TLN1: variants seen among roughly 807,000 people sequenced by gnomAD.
TLN1 encodes the protein talin-1.
TLN1 carries 56 observed loss-of-function variants against 292.3 expected under a neutral mutation model. That is an observed-to-expected ratio of 0.19 (90% CI 0.15 to 0.24). The LOEUF (loss-of-function observed/expected upper bound fraction) is 0.24, where lower values mean the gene tolerates loss of function less well. TLN1 is among the 10% of genes least tolerant of loss of function. The probability of loss-of-function intolerance (pLI) is 1.00; values close to 1 mark genes in which losing one functional copy is unlikely to be tolerated. For synonymous variants in TLN1, 1,119 were observed against 1,253.7 expected (o/e 0.89, Z 2.27); for missense variants, 2,433 against 3,248.2 (o/e 0.75, Z 6.10).
intron 1 of TLN1, among the ~76,000 whole-genome samples, chr9:35,730,727 A>C (rs1359126218): frequency 1.3e-5 from 2 of 152,090 alleles, no homozygotes; most frequent in Non-Finnish European, 2.9e-5. Context: ...GTATTTTGTA[A>C]GGGGATAGGC....
chr9:35,717,802 A>C lies in TLN1; in HGVS notation c.1996-16T>G. 6.3e-7 allele frequency: 1 copy of C among 1,588,182 alleles called. No individual in the cohort carries two copies. The highest frequency in any genetic ancestry group is 8.6e-7 in the Non-Finnish European group (1 of 1,160,780). On this transcript the variant is annotated splice_polypyrimidine_tract_variant and intron_variant, in intron 17 of 56. Transcript: ENST00000314888. This position sits in a 1 kb window ranked among gnomAD's most constrained non-coding sequence, Gnocchi z 4.7. ...TTAGCGCATCCTGTGAGAAAACAGC[A>C]GTTAGCATGACCTGAGATTGGGCTT...
chr9:35,719,234 G>A lies in TLN1; in HGVS notation c.1736C>T (p.Thr579Ile), dbSNP rs757683436. ...DYTAVGCAVT[T>I]ISSNLTEMSR... ...CATCTCCGTCAGGTTGGAGGAGATT[G>A]TGGTGACTGCACAGCCCACTGCGGT... Residue 579 changes from threonine (T) to isoleucine (I), a missense_variant, in exon 16 of 57, where the codon ACA becomes ATA. Thr to Ile is a moderately conservative substitution (Grantham distance 89). This residue lies in a region of TLN1 where 617 missense variants were observed against 770.6 expected (regional missense o/e 0.80). Coordinates refer to ENST00000314888, the MANE Select transcript of TLN1 (RefSeq NM_006289.4). This position sits in a 1 kb window ranked among gnomAD's most constrained non-coding sequence, Gnocchi z 4.6. 1.2e-6 allele frequency: 2 copies of A among 1,614,210 alleles called. No homozygotes were observed. Among genetic ancestry groups the A allele is most frequent in the South Asian group, 2.2e-5 (2 of 91,072 alleles).
rs533955091 is a variant in TLN1 at position 35,716,584 on chromosome 9, G to A, written c.2459-28C>T. 5.0e-6 allele frequency: 8 copies of A among 1,607,980 alleles called. No homozygotes were observed. In the East Asian group the frequency reaches 1.3e-4, roughly 27 times the overall value. The stretch of plus-strand genomic sequence containing the variant: ...GAGAGCATAGGGCACAGTCAGGCGA[G>A]GAAGCCAGAGACACTGAGGTGTCAG... On this transcript the variant is annotated intron_variant, in intron 19 of 56. Transcript: ENST00000314888.
rs1319954162 is a variant in TLN1, at chr9:35,732,115, C to G, written c.-74G>C. 6.5e-6 allele frequency: 1 copy of G among 154,032 alleles called. No individual in the cohort carries two copies. The highest frequency in any genetic ancestry group is 2.4e-5 in the African/African-American group (1 of 41,440). The allele number at this position is 154,032 out of a possible 1,614,324, so 9.5% of individuals were successfully genotyped here. ...CTGCGCCCCGCCCGCCGGCCCGCCGCCCCGCCGCTTCTCGGGTCGCCCTCG... is the reference window on the plus strand; with the variant it reads ...CTGCGCCCCGCCCGCCGGCCCGCCGGCCCGCCGCTTCTCGGGTCGCCCTCG... On this transcript the variant is annotated 5_prime_UTR_variant, in exon 1 of 57. Transcript: ENST00000314888. This position sits in a 1 kb window ranked among gnomAD's most constrained non-coding sequence, Gnocchi z 5.1.
chr9:35,719,701 G>C lies in TLN1; in HGVS notation c.1578+39C>G, dbSNP rs971221228. On this transcript the variant is annotated intron_variant, in intron 14 of 56. Transcript: ENST00000314888. This position sits in a 1 kb window ranked among gnomAD's most constrained non-coding sequence, Gnocchi z 4.6. ...CTCATCCCTATCCCTTGGAGTCTCA[G>C]CTTCAGTACCACCGGCCTCTCCTCC... 4 of 1,611,458 alleles carry C rather than the reference G, an allele frequency of 2.5e-6. No homozygotes were observed. The highest frequency in any genetic ancestry group is 3.4e-6 in the Non-Finnish European group (4 of 1,178,048).
chr9:35,724,651 G>C lies in TLN1; in HGVS notation c.432C>G (p.Thr144=), dbSNP rs1298552906. 4.3e-6 allele frequency: 7 copies of C among 1,613,944 alleles called. No homozygotes were observed. In the African/African-American group the frequency reaches 8.0e-5, roughly 18 times the overall value. ...GCAGCAATGTCTTGTCCTTTCTTAA[G>C]GTCCCTGTTATTTCCTCCTTTTTCT... ...MEEKKEEITG[T]LRKDKTLLRD... The change falls in exon 5 of 57, where the codon ACC becomes ACG. Residue 144 remains threonine (T), a synonymous_variant. Transcript: ENST00000314888. The surrounding 1 kb of genome is among the most constrained non-coding windows in gnomAD (Gnocchi z 4.7).
In TLN1 at chr9:35,724,624, T is replaced by A; in HGVS notation, c.459A>T (p.Arg153=). ...TTAGTTTCTCCATCTTCTTTTCATC[T>A]CGCAGCAATGTCTTGTCCTTTCTTA... ...GTLRKDKTLL[R]DEKKMEKLKQ... is the part of the protein sequence containing the mutation. Residue 153 remains arginine, a synonymous_variant, in exon 5 of 57, where the codon CGA becomes CGT. Transcript: ENST00000314888. This position sits in a 1 kb window ranked among gnomAD's most constrained non-coding sequence, Gnocchi z 4.7. 1.9e-6 allele frequency: 3 copies of A among 1,614,218 alleles called. No homozygotes were observed. Among genetic ancestry groups the A allele is most frequent in the Non-Finnish European group, 2.5e-6 (3 of 1,180,032 alleles).
chr9:35,704,937 G>T lies in TLN1; in HGVS notation c.5734-122C>A. 8.2e-7 allele frequency: 1 copy of T among 1,222,044 alleles called. No homozygotes were observed. The highest frequency in any genetic ancestry group is 1.1e-6 in the Non-Finnish European group (1 of 886,146). 75.7% of individuals were successfully genotyped at this position (1,222,044 alleles called of 1,614,324 possible). On this transcript the variant is annotated intron_variant, in intron 43 of 56. Coordinates refer to ENST00000314888, the MANE Select transcript of TLN1 (RefSeq NM_006289.4). The surrounding 1 kb of genome is among the most constrained non-coding windows in gnomAD (Gnocchi z 6.9). Reference sequence around the variant, plus strand: ...GCATTGTAGACTAAAGAAGCAGAGAGAGAAGGTTCCCAGCACAAGGACGTT... The same window carrying T: ...GCATTGTAGACTAAAGAAGCAGAGATAGAAGGTTCCCAGCACAAGGACGTT...
rs1222230548 is a variant in TLN1, at chr9:35,719,883, G to A, written c.1465-30C>T. ...AGACAAGTGGGGAGAAACAGGGACTGGAATGGATGTTTGGAGAAAAGAGAA... is the reference window on the plus strand; with the variant it reads ...AGACAAGTGGGGAGAAACAGGGACTAGAATGGATGTTTGGAGAAAAGAGAA... On this transcript the variant is annotated intron_variant, in intron 13 of 56. Coordinates refer to ENST00000314888, the MANE Select transcript of TLN1 (RefSeq NM_006289.4). The surrounding 1 kb of genome is among the most constrained non-coding windows in gnomAD (Gnocchi z 4.6). 3.8e-6 allele frequency: 6 copies of A among 1,570,106 alleles called. No homozygotes were observed. The highest frequency in any genetic ancestry group is 4.3e-6 in the Non-Finnish European group (5 of 1,155,484).
chr9:35,704,837 G>A lies in TLN1; in HGVS notation c.5734-22C>T, dbSNP rs762626744. 3.1e-6 allele frequency: 5 copies of A among 1,607,068 alleles called. No homozygotes were observed. The highest frequency in any genetic ancestry group is 1.1e-5 in the South Asian group (1 of 90,912). On this transcript the variant is annotated intron_variant, in intron 43 of 56. Coordinates refer to ENST00000314888, the MANE Select transcript of TLN1 (RefSeq NM_006289.4). This position sits in a 1 kb window ranked among gnomAD's most constrained non-coding sequence, Gnocchi z 6.9. ...CTATCTGTGAGCCAAGGGAAAGACA[G>A]ATGGATTTTACAAGGGGCACTCAGG...
rs73438744 is a variant in TLN1, at chr9:35,726,229, T to C, written c.-33-502A>G. Among the ~76,000 whole-genome samples the C allele has an allele frequency of 9.8e-3, 1,496 of 152,206 alleles. 12 individuals are homozygous for C. The highest frequency in any genetic ancestry group is 0.034 in the African/African-American group (1,423 of 41,516). ...GGCCAAGTCCTAACAATTTAAGACATCTGAGGGAAAGGAGAAGCTGGTCTG... is the reference window on the plus strand; with the variant it reads ...GGCCAAGTCCTAACAATTTAAGACACCTGAGGGAAAGGAGAAGCTGGTCTG... On this transcript the variant is annotated intron_variant, in intron 1 of 56. Coordinates refer to ENST00000314888, the MANE Select transcript of TLN1 (RefSeq NM_006289.4).
chr9:35,714,574 C>T lies in TLN1; in HGVS notation c.2985G>A (p.Gln995=). 1 of 1,609,414 alleles carries T rather than the reference C, an allele frequency of 6.2e-7. No homozygotes were observed. Among genetic ancestry groups the T allele is most frequent in the Non-Finnish European group, 8.5e-7 (1 of 1,179,970 alleles). Reference sequence around the variant, plus strand: ...GAGAAGTGCAGAGGGGGTGCCTTGCCTGCAGGAAGCTCTGGCTGGCAGCAA... The same window carrying T: ...GAGAAGTGCAGAGGGGGTGCCTTGCTTGCAGGAAGCTCTGGCTGGCAGCAA... ...ALIAASQSFL[Q]PGGKMVAAAK... The change falls in exon 23 of 57, where the codon CAG becomes CAA. Residue 995 remains glutamine (Q), a splice_region_variant and synonymous_variant. Coordinates refer to ENST00000314888, the MANE Select transcript of TLN1 (RefSeq NM_006289.4). This position sits in a 1 kb window ranked among gnomAD's most constrained non-coding sequence, Gnocchi z 4.6.
At chr9:35,729,110 C>A (rs1826026929) in intron 1 of TLN1, among the ~76,000 whole-genome samples, 1 of 152,114 alleles carries the variant, frequency 6.6e-6, no homozygotes, top group Non-Finnish European at 1.5e-5. Context: ...TTCATTTAAT[C>A]CTTACAGTAG....
rs764358783 is a variant in TLN1, at chr9:35,707,152, C to A, written c.4875G>T (p.Arg1625=). 7 of 1,610,356 alleles carry A rather than the reference C, an allele frequency of 4.3e-6. No homozygotes were observed. In the Admixed American group the frequency reaches 1.2e-4, roughly 27 times the overall value. The change falls in exon 37 of 57, where the codon CGG becomes CGT. Residue 1625 remains arginine (R), a synonymous_variant. Coordinates refer to ENST00000314888, the MANE Select transcript of TLN1 (RefSeq NM_006289.4). The surrounding 1 kb of genome is among the most constrained non-coding windows in gnomAD (Gnocchi z 5.6). ...QTARALAVNP[R]DPPSWSVLAG... ...CCAGCACCGACCAGCTCGGGGGGTC[C>A]CGGGGATTGACTGCGAGGGCCCGGG...
rs770451165 is a variant in TLN1 at position 35,718,863 on chromosome 9, A to G, written c.1944T>C (p.Ser648=). ...LQAAGNVGQA[S]GELLQQIGES... ...CCCCAATTTGTTGCAACAGCTCCCCACTGGCCTGGCCCACGTTCCCAGCTG... is the reference window on the plus strand; with the variant it reads ...CCCCAATTTGTTGCAACAGCTCCCCGCTGGCCTGGCCCACGTTCCCAGCTG... Residue 648 remains serine, a synonymous_variant, in exon 17 of 57, where the codon AGT becomes AGC. Transcript: ENST00000314888. 6.8e-6 allele frequency: 11 copies of G among 1,613,570 alleles called. No individual in the cohort carries two copies. The highest frequency in any genetic ancestry group is 6.8e-6 in the Non-Finnish European group (8 of 1,179,830).
At position 35,697,523 on chromosome 9, in the gene TLN1, C is replaced by T. The variant is rs959980671; in HGVS notation, c.*268G>A. ...GGCTGGGGCCCCGGCAGATTCAGAT[C>T]GAGGTACAGCAGCGTTAATAATACT... On this transcript the variant is annotated 3_prime_UTR_variant, in exon 57 of 57. Coordinates refer to ENST00000314888, the MANE Select transcript of TLN1 (RefSeq NM_006289.4). The T allele has an allele frequency of 5.4e-5, 24 of 445,774 alleles. No individual in the cohort carries two copies. The highest frequency in any genetic ancestry group is 1.5e-4 in the East Asian group (4 of 26,862). 27.6% of individuals were successfully genotyped at this position (445,774 alleles called of 1,614,324 possible). A position where few individuals can be genotyped will look rare whatever the true frequency, so the allele number is the denominator to read the frequency against.
intron 33 of TLN1, among the ~76,000 whole-genome samples, chr9:35,709,061 T>G (rs939231920): frequency 5.3e-5 from 8 of 152,238 alleles, no homozygotes; most frequent in Admixed American, 4.6e-4. Context: ...TTTTCCTCTA[T>G]GCATTTTCAG....
rs758805095 is a variant in TLN1 at position 35,722,190 on chromosome 9, C to G, written c.877G>C (p.Glu293Gln). ...AGCTTCACGTAGCGGACCTTGGCCT[C>G]AATCTCACTCATCTGCCCACAATTC... ...HKNCGQMSEI[E>Q]AKVRYVKLAR... The change falls in exon 9 of 57, where the codon GAG (glutamate) becomes CAG (glutamine). Residue 293 changes from glutamate (E) to glutamine (Q), a missense_variant. Glu to Gln is a conservative substitution (Grantham distance 29). This residue lies in a region of TLN1 where 78 missense variants were observed against 88.8 expected (regional missense o/e 0.88). Coordinates refer to ENST00000314888, the MANE Select transcript of TLN1 (RefSeq NM_006289.4). The G allele has an allele frequency of 6.2e-7, 1 of 1,614,180 alleles. No homozygotes were observed. The highest frequency in any genetic ancestry group is 1.7e-5 in the Admixed American group (1 of 60,014).
chr9:35,713,161 C>G, intron 26 of TLN1, 35 bp downstream of exon 26: 1 of 1,583,306 alleles, frequency 6.3e-7, no homozygotes, highest in Non-Finnish European at 8.7e-7. Context: ...ACCTCCCTCA[C>G]AATATGCCCC....
Sources: allele counts gnomAD v4.1 joint callset (sites outside exome capture counted in the v4.1 genomes callset), GRCh38; gene constraint gnomAD v4.1.1; regional missense constraint gnomAD v4.1.1; non-coding constraint Gnocchi (gnomAD v3.1); transcripts MANE v1.5; gene names NCBI Gene and HGNC (gene_info 2026-07-23, HGNC 2026-07-21).